CPD: variants seen among roughly 807,000 people sequenced by gnomAD.
CPD encodes metallocarboxypeptidase D.
Under a neutral mutation model 138.3 loss-of-function variants are expected in CPD, and 69 were observed. That is an observed-to-expected ratio of 0.50 (90% CI 0.41 to 0.61). The LOEUF is 0.61. CPD is among the 20% of genes least tolerant of loss of function. The probability of loss-of-function intolerance (pLI) is 0.00; values close to 1 mark genes in which losing one functional copy is unlikely to be tolerated. For synonymous variants in CPD, 651 were observed against 642.1 expected (o/e 1.01, Z -0.21); for missense variants, 1,432 against 1,733.3 (o/e 0.83, Z 3.09).
chr17:30,467,430 A>G lies in CPD; in HGVS notation c.*2616A>G, dbSNP rs969054384. Reference sequence around the variant, plus strand: ...TGCCCAAGTCATTTCAGAAAGAAAGACCCTTCAGTTTTGATGCATTTTGCT... The same window carrying G: ...TGCCCAAGTCATTTCAGAAAGAAAGGCCCTTCAGTTTTGATGCATTTTGCT... On this transcript the variant is annotated 3_prime_UTR_variant, in exon 21 of 21. Transcript: ENST00000225719. 3 of 152,140 alleles carry G rather than the reference A, an allele frequency of 2.0e-5. No homozygotes were observed. Among genetic ancestry groups the G allele is most frequent in the Admixed American group, 6.5e-5 (1 of 15,268 alleles). The allele number at this position is 152,140 out of a possible 1,614,324, so 9.4% of individuals were successfully genotyped here.
chr17:30,423,105 T>C (rs2143416656), intron 5 of CPD, 82 bp downstream of exon 5: 2 of 1,094,300 alleles, frequency 1.8e-6, no homozygotes, highest in East Asian at 5.1e-5. Flanking sequence ...TTCAGAAAGG[T>C]CGCCTACAGT....
intron 1 of CPD, among the ~76,000 whole-genome samples, chr17:30,380,977 T>A (rs1328487896): frequency 6.6e-6 from 1 of 152,250 alleles, no homozygotes; most frequent in African/African-American, 2.4e-5. Flanking sequence ...GAAGTTTCCC[T>A]GCGGGACTTG....
chr17:30,448,944 A>AT (rs1567881965), intron 12 of CPD, among the ~76,000 whole-genome samples: 1 of 151,912 alleles, frequency 6.6e-6, no homozygotes, highest in South Asian at 2.1e-4. Context: ...TCTCTACAAA[A>AT]TTTTTTTTAA....
intron 12 of CPD, chr17:30,447,434 A>T (rs1913060654): frequency 6.6e-6 from 1 of 152,200 alleles, no homozygotes; most frequent in African/African-American, 2.4e-5. Flanking sequence ...GTTAGATTAG[A>T]AGTAGATAGC....
chr17:30,380,381 T>A, intron 1 of CPD: 2 of 845,926 alleles, frequency 2.4e-6, no homozygotes, highest in Non-Finnish European at 1.5e-6. Context: ...CTCCAATTTT[T>A]ACCTCTGACT....
intron 11 of CPD, among the ~76,000 whole-genome samples, chr17:30,445,115 A>G (rs1381186466): frequency 6.6e-6 from 1 of 152,120 alleles, no homozygotes; most frequent in African/African-American, 2.4e-5. Flanking sequence ...AAGTTCCAGG[A>G]GACATGGGAG....
chr17:30,396,555 TAA>T (rs1257319658), intron 2 of CPD, among the ~76,000 whole-genome samples: 4 of 152,196 alleles, frequency 2.6e-5, no homozygotes, highest in African/African-American at 9.6e-5. Context: ...AAAAGAGTGA[TAA>T]GAGACTTGTT....
intron 20 of CPD, among the ~76,000 whole-genome samples, chr17:30,463,571 G>A (rs150283192): frequency 7.9e-5 from 12 of 152,238 alleles, no homozygotes; most frequent in Middle Eastern, 3.4e-3. Context: ...TGAAAGGTTA[G>A]GAAGGAAAAA....
intron 12 of CPD, among the ~76,000 whole-genome samples, chr17:30,448,526 G>A (rs1015036051): frequency 4.6e-5 from 7 of 152,148 alleles, no homozygotes; most frequent in African/African-American, 1.7e-4. Flanking sequence ...ACACCAACAG[G>A]CACTAAGTAC....
chr17:30,447,962 G>T (rs973822052), intron 12 of CPD, among the ~76,000 whole-genome samples: 1 of 152,166 alleles, frequency 6.6e-6, no homozygotes, highest in South Asian at 2.1e-4. Context: ...CAAACCTCAT[G>T]AACATTATTT....
chr17:30,421,635 T>C, intron 3 of CPD, 29 bp from the exon 4 acceptor site: 2 of 1,608,702 alleles, frequency 1.2e-6, no homozygotes, highest in Non-Finnish European at 8.5e-7. Context: ...AAATTCACCG[T>C]CTCTGAGCTT....
intron 20 of CPD, among the ~76,000 whole-genome samples, chr17:30,462,998 G>A (rs1166993653): frequency 3.3e-5 from 5 of 152,308 alleles, no homozygotes; most frequent in Admixed American, 1.3e-4. Context: ...GCAGTTTTCC[G>A]CCCTGGGCGG....
chr17:30,420,899 G>C lies in CPD; in HGVS notation c.1053G>C (p.Leu351=), dbSNP rs750910374. 1.2e-6 allele frequency: 2 copies of C among 1,613,742 alleles called. No homozygotes were observed. The highest frequency in any genetic ancestry group is 2.2e-5 in the East Asian group (1 of 44,862). The change falls in exon 3 of 21, where the codon CTG becomes CTC. Residue 351 remains leucine (L), a synonymous_variant. Transcript: ENST00000225719. ...ACTGTTTTGAGATCACATTAGAACTGTCTTGTTGCAAGTACCCACCTGCTT... is the reference window on the plus strand; with the variant it reads ...ACTGTTTTGAGATCACATTAGAACTCTCTTGTTGCAAGTACCCACCTGCTT... The part of the protein sequence containing the change: ...WANCFEITLE[L]SCCKYPPASQ...
chr17:30,431,845 T>G lies in CPD; in HGVS notation c.2091T>G (p.Asp697Glu). 6.2e-7 allele frequency: 1 copy of G among 1,612,490 alleles called. No individual in the cohort carries two copies. Among genetic ancestry groups the G allele is most frequent in the East Asian group, 2.2e-5 (1 of 44,768 alleles). Reference sequence around the variant, plus strand: ...CCACATATAGTAAATCACCAGATGATGCTGTGTTCCAACAAATAGCACTTT... The same window carrying G: ...CCACATATAGTAAATCACCAGATGAGGCTGTGTTCCAACAAATAGCACTTT... The part of the protein sequence containing the change: ...GLATYSKSPD[D>E]AVFQQIALSY... Residue 697 changes from aspartate to glutamate, a missense_variant, in exon 8 of 21, where the codon GAT (aspartate) becomes GAG (glutamate). Physicochemically the swap from Asp to Glu is conservative, Grantham distance 45. This residue lies in a region of CPD where 297 missense variants were observed against 405.3 expected (regional missense o/e 0.73). Coordinates refer to ENST00000225719, the MANE Select transcript of CPD (RefSeq NM_001304.5).
chr17:30,455,464 C>A lies in CPD; in HGVS notation c.3331C>A (p.Gln1111Lys), dbSNP rs1173323048. The change falls in exon 15 of 21, where the codon CAG becomes AAG. Residue 1111 changes from glutamine (Q) to lysine (K), a missense_variant. Gln to Lys is a moderately conservative substitution (Grantham distance 53, BLOSUM62 1). This residue lies in a region of CPD where 366 missense variants were observed against 518.8 expected (regional missense o/e 0.71). Coordinates refer to ENST00000225719, the MANE Select transcript of CPD (RefSeq NM_001304.5). The stretch of plus-strand genomic sequence containing the variant: ...CACATATCCTTATGACAAGCCAGTA[C>A]AGACAGGTATGTAGAATGTCATTTT... ...LVTYPYDKPVQTVENKETLKH... is the reference protein window; with the variant it reads ...LVTYPYDKPVKTVENKETLKH... 30 of 1,611,518 alleles carry A rather than the reference C, an allele frequency of 1.9e-5. No individual in the cohort carries two copies. The highest frequency in any genetic ancestry group is 2.2e-5 in the South Asian group (2 of 90,560).
chr17:30,432,143 T>A (rs1310892907), intron 8 of CPD, among the ~76,000 whole-genome samples: 1 of 152,198 alleles, frequency 6.6e-6, no homozygotes, highest in Admixed American at 6.5e-5. Flanking sequence ...ATTTGACAAA[T>A]AAGTTATAAG....
At chr17:30,405,174 T>C (rs1035396971) in intron 2 of CPD, among the ~76,000 whole-genome samples, 2 of 152,074 alleles carry the variant, frequency 1.3e-5, no homozygotes, top group Admixed American at 6.6e-5. Context: ...TTTGAGGGCT[T>C]CAATATTTAA....
At chr17:30,398,364 C>A (rs1911564367) in intron 2 of CPD, among the ~76,000 whole-genome samples, 1 of 152,076 alleles carries the variant, frequency 6.6e-6, no homozygotes, top group Non-Finnish European at 1.5e-5. Context: ...TGAGGTGTGC[C>A]TGTAACTGAA....
At chr17:30,405,870 T>G (rs1911789170) in intron 2 of CPD, among the ~76,000 whole-genome samples, 1 of 152,098 alleles carries the variant, frequency 6.6e-6, no homozygotes. Flanking sequence ...ATAATATTTA[T>G]AAATTAATTT....
Sources: gnomAD v4.1 joint callset for allele counts (sites outside exome capture counted in the v4.1 genomes callset) on GRCh38, gnomAD v4.1.1 for gene constraint, gnomAD v4.1.1 regional missense constraint, MANE v1.5 for transcripts, NCBI Gene and HGNC (gene_info 2026-07-23, HGNC 2026-07-21) for gene names.